Variants in PRSS12 observed in about 807,000 individuals in gnomAD.
The protein encoded by PRSS12 is neurotrypsin.
Under a neutral mutation model 104.4 loss-of-function variants are expected in PRSS12, and 85 were observed. The ratio of observed to expected loss-of-function variants is 0.81; its 90% confidence interval spans 0.68 to 0.98. The LOEUF (loss-of-function observed/expected upper bound fraction) is 0.98, where lower values mean the gene tolerates loss of function less well. PRSS12 is among the 50% of genes least tolerant of loss of function. The probability of loss-of-function intolerance (pLI) is 0.00; values close to 1 mark genes in which losing one functional copy is unlikely to be tolerated. For missense variants in PRSS12, 1,141 were observed against 1,139.2 expected, an observed-to-expected ratio of 1.00 and a Z score of -0.02; for synonymous variants, 454 against 425.2, an observed-to-expected ratio of 1.07 and a Z score of -0.83.
At position 118,335,530 on chromosome 4, in the gene PRSS12, G is replaced by A. The variant is rs1378584799; in HGVS notation, c.763C>T (p.Gln255Ter). ...ATCTTCTGAGGACACACCCCACCCT[G>A]CCAGATGTCTTTTTCACAAAGCAGT... Reference protein sequence around the residue: ...NILLCEKDIWQGGVCPQKMAA... With the variant: ...NILLCEKDIW The change falls in exon 3 of 13, where the codon CAG (glutamine) becomes TAG (stop). Residue 255 changes from glutamine to a stop codon, truncating the protein, a stop_gained. Coordinates refer to ENST00000296498, the MANE Select transcript of PRSS12 (RefSeq NM_003619.4). LOFTEE classifies it high-confidence loss of function. 6.2e-7 allele frequency: 1 copy of A among 1,613,826 alleles called. No homozygotes were observed. Among genetic ancestry groups the A allele is most frequent in the Admixed American group, 1.7e-5 (1 of 59,950 alleles).
At chr4:118,316,859 T>C (rs1382920546) in intron 5 of PRSS12, among the ~76,000 whole-genome samples, 1 of 146,608 alleles carries the variant, frequency 6.8e-6, no homozygotes, top group African/African-American at 2.5e-5. Context: ...TATATATATC[T>C]TTCCTTTTTA....
At position 118,283,074 on chromosome 4, in the gene PRSS12, CAACCCTAACA is replaced by C. The variant is rs1742927562; in HGVS notation, c.2067_2076del (p.Val690GlufsTer21). 2 of 1,614,160 alleles carry C rather than the reference CAACCCTAACA, an allele frequency of 1.2e-6. No homozygotes were observed. The highest frequency in any genetic ancestry group is 1.7e-6 in the Non-Finnish European group (2 of 1,180,016). ...TCTGGTACCAGAGTATGATAATCTC[CAACCCTAACA>C]GCATAGCTCCTAGTGCTGTTGCCAT... is the stretch of plus-strand genomic sequence containing the variant. On this transcript the variant is annotated frameshift_variant, in exon 12 of 13. Transcript: ENST00000296498. LOFTEE classifies it high-confidence loss of function.
intron 9 of PRSS12, 126 bp downstream of exon 9, chr4:118,298,607 T>C (rs993158935): frequency 3.3e-5 from 34 of 1,029,572 alleles, no homozygotes; most frequent in Non-Finnish European, 4.6e-5. Flanking sequence ...ATCTAAGTAA[T>C]AGCACAAGAC....
intron 4 of PRSS12, among the ~76,000 whole-genome samples, chr4:118,329,970 T>C (rs532502768): frequency 3.3e-5 from 5 of 152,288 alleles, no homozygotes; most frequent in Non-Finnish European, 4.4e-5. Flanking sequence ...TAAAAAATCT[T>C]GTCTCATAAA....
chr4:118,289,788 A>C (rs1743090281), intron 11 of PRSS12, among the ~76,000 whole-genome samples: 1 of 152,218 alleles, frequency 6.6e-6, no homozygotes, highest in South Asian at 2.1e-4. Context: ...AGTCAGAAGG[A>C]TATATAACAC....
At chr4:118,326,682 C>T (rs751415259) in intron 4 of PRSS12, among the ~76,000 whole-genome samples, 3 of 152,134 alleles carry the variant, frequency 2.0e-5, no homozygotes, top group African/African-American at 7.2e-5. Context: ...ATTAACACCT[C>T]GCCATTTTAC....
chr4:118,338,269 A>T lies in PRSS12; in HGVS notation c.548T>A (p.Val183Glu), dbSNP rs1724110969. The T allele has an allele frequency of 1.2e-6, 2 of 1,613,924 alleles. No individual in the cohort carries two copies. Among genetic ancestry groups the T allele is most frequent in the African/African-American group, 2.7e-5 (2 of 74,898 alleles). The change falls in exon 2 of 13, where the codon GTG becomes GAG. Residue 183 changes from valine to glutamate, a missense_variant. Physicochemically the swap from Val to Glu is moderately radical, Grantham distance 121. Transcript: ENST00000296498. ...CCAAACTCCACTTGCATATACTTCC[A>T]CTGTGCCTTCAAACTCATTTTTGCC... ...RGGKNEFEGT[V>E]EVYASGVWGT... is the part of the protein sequence containing the mutation.
chr4:118,333,553 A>G (rs1205772871), intron 3 of PRSS12, among the ~76,000 whole-genome samples: 2 of 152,220 alleles, frequency 1.3e-5, no homozygotes, highest in African/African-American at 4.8e-5. Context: ...TGATGGTAAT[A>G]TAATTCTCAC....
chr4:118,335,433 T>C (rs767550963), intron 3 of PRSS12, 40 bp downstream of exon 3: 1 of 1,606,892 alleles, frequency 6.2e-7, no homozygotes, highest in South Asian at 1.1e-5. Flanking sequence ...GTTTAAAACA[T>C]AATGAAAGTA....
At chr4:118,307,024 G>A (rs1482252241) in intron 8 of PRSS12, among the ~76,000 whole-genome samples, 1 of 151,884 alleles carries the variant, frequency 6.6e-6, no homozygotes, top group African/African-American at 2.4e-5. Flanking sequence ...GCTGATTTTG[G>A]GTGAGGAAAT....
rs548882952 is a variant in PRSS12, at chr4:118,313,350, G to C, written c.1340C>G (p.Pro447Arg). ...GCAGCTGACGTCATCCAACCATATG[G>C]GCCCTGTGCTTTCTTCAAAATGGTT... ...SANHFEESTG[P>R]IWLDDVSCSG... The change falls in exon 7 of 13, where the codon CCC becomes CGC. Residue 447 changes from proline to arginine, a missense_variant. Pro to Arg is a moderately radical substitution (Grantham distance 103). Coordinates refer to ENST00000296498, the MANE Select transcript of PRSS12 (RefSeq NM_003619.4). The C allele has an allele frequency of 6.2e-7, 1 of 1,614,046 alleles. No homozygotes were observed. The highest frequency in any genetic ancestry group is 1.1e-5 in the South Asian group (1 of 91,068).
intron 11 of PRSS12, among the ~76,000 whole-genome samples, chr4:118,293,144 C>G (rs558080539): frequency 1.3e-5 from 2 of 151,738 alleles, no homozygotes; most frequent in South Asian, 4.2e-4. Flanking sequence ...ATCCTAGGAA[C>G]AAGGATATAT....
intron 11 of PRSS12, among the ~76,000 whole-genome samples, chr4:118,292,609 G>C (rs911965709): frequency 2.0e-5 from 3 of 152,068 alleles, no homozygotes; most frequent in Admixed American, 6.6e-5. Context: ...AACATTAAGG[G>C]CTCAATAATT....
At chr4:118,339,870 T>C (rs770015534) in intron 1 of PRSS12, among the ~76,000 whole-genome samples, 107 of 152,230 alleles carry the variant, frequency 7.0e-4, no homozygotes, top group Non-Finnish European at 1.2e-3. Flanking sequence ...GTCAAAGAAT[T>C]CATTTGTTGA....
rs1743237033 is a variant in PRSS12, at chr4:118,295,706, C to T, written c.1916+72G>A. 4.4e-6 allele frequency: 6 copies of T among 1,365,654 alleles called. No homozygotes were observed. In the East Asian group the frequency reaches 1.2e-4, roughly 26 times the overall value. 84.6% of individuals were successfully genotyped at this position (1,365,654 alleles called of 1,614,324 possible). A position where few individuals can be genotyped will look rare whatever the true frequency, so the allele number is the denominator to read the frequency against. ...ACAAGTCCCTTATATAACAGAACATCCCCAGTTTGTAACACTCTATGTATA... is the reference window on the plus strand; with the variant it reads ...ACAAGTCCCTTATATAACAGAACATTCCCAGTTTGTAACACTCTATGTATA... On this transcript the variant is annotated intron_variant, in intron 10 of 12. Coordinates refer to ENST00000296498, the MANE Select transcript of PRSS12 (RefSeq NM_003619.4).
At chr4:118,282,607 A>G (rs1742911561) in intron 12 of PRSS12, among the ~76,000 whole-genome samples, 1 of 152,188 alleles carries the variant, frequency 6.6e-6, no homozygotes, top group African/African-American at 2.4e-5. Context: ...ATTCATATCT[A>G]CTTCACTGAA....
intron 8 of PRSS12, among the ~76,000 whole-genome samples, chr4:118,304,638 T>A (rs144633011): frequency 1.3e-5 from 2 of 152,116 alleles, no homozygotes; most frequent in Non-Finnish European, 2.9e-5. Flanking sequence ...ATAATGGAAT[T>A]TCCGTCATGA....
chr4:118,281,881 G>A lies in PRSS12; in HGVS notation c.*55C>T. 1 of 846,128 alleles carries A rather than the reference G, an allele frequency of 1.2e-6. No individual in the cohort carries two copies. Among genetic ancestry groups the A allele is most frequent in the East Asian group, 2.4e-5 (1 of 41,524 alleles). The allele number at this position is 846,128 out of a possible 1,614,324, so 52.4% of individuals were successfully genotyped here. A position where few individuals can be genotyped will look rare whatever the true frequency, so the allele number is the denominator to read the frequency against. On this transcript the variant is annotated 3_prime_UTR_variant, in exon 13 of 13. Transcript: ENST00000296498. ...GTCATCTCTGCTGAGTGCTAATAGT[G>A]GGGGTTCAAAGTTTTCCATTTGTTT...
intron 8 of PRSS12, among the ~76,000 whole-genome samples, chr4:118,299,717 A>T (rs1319687730): frequency 1.8e-4 from 12 of 66,606 alleles, no homozygotes; most frequent in East Asian, 9.8e-4. Context: ...TAAAATAAAT[A>T]AAATAAAATA....
Sources: gnomAD v4.1 joint callset for allele counts (sites outside exome capture counted in the v4.1 genomes callset) on GRCh38, gnomAD v4.1.1 for gene constraint, MANE v1.5 for transcripts, NCBI Gene and HGNC (gene_info 2026-07-23, HGNC 2026-07-21) for gene names.